DOCK7: variants seen among roughly 807,000 people sequenced by gnomAD.
DOCK7 encodes the protein dedicator of cytokinesis 7.
In DOCK7, 138 loss-of-function variants were observed where a neutral mutation model predicts 271.0. That is an observed-to-expected ratio of 0.51 (90% CI 0.44 to 0.59). DOCK7 has a LOEUF of 0.59. Among genes scored for constraint, DOCK7 ranks in the 20% least tolerant of loss-of-function variants. DOCK7 has a pLI of 0.00. For synonymous variants in DOCK7, 823 were observed against 876.1 expected (o/e 0.94, Z 1.07); for missense variants, 2,066 against 2,592.4 (o/e 0.80, Z 4.41).
intron 1 of DOCK7, among the ~76,000 whole-genome samples, chr1:62,673,563 G>C (rs184981962): frequency 1.3e-5 from 2 of 152,014 alleles, no homozygotes; most frequent in Non-Finnish European, 2.9e-5. Context: ...GAAAAGAAAA[G>C]TATCTACTGC....
intron 16 of DOCK7, among the ~76,000 whole-genome samples, chr1:62,580,661 T>C (rs79895612): frequency 6.6e-6 from 1 of 152,044 alleles, no homozygotes; most frequent in East Asian, 1.9e-4. Flanking sequence ...TTTGTGGTGG[T>C]TTTAAAGATG....
intron 31 of DOCK7, among the ~76,000 whole-genome samples, chr1:62,527,893 AATGAACT>A (rs1324189695): frequency 6.6e-6 from 1 of 151,700 alleles, no homozygotes; most frequent in Non-Finnish European, 1.5e-5. Flanking sequence ...AAAAAAAAGA[AATGAACT>A]ATCTATAATG....
chr1:62,617,094 CAA>C (rs562770955), intron 14 of DOCK7, among the ~76,000 whole-genome samples: 37 of 98,962 alleles, frequency 3.7e-4, no homozygotes, highest in Admixed American at 4.3e-4. Context: ...GACTCTATTG[CAA>C]AAAAAAAAAA....
At chr1:62,550,609 C>T (rs180964503) in intron 22 of DOCK7, among the ~76,000 whole-genome samples, 36 of 152,154 alleles carry the variant, frequency 2.4e-4, no homozygotes, top group Non-Finnish European at 7.4e-5. Context: ...TTTCTCAAGA[C>T]ATGTTTAGCT....
chr1:62,651,335 G>A (rs938494044), intron 4 of DOCK7, among the ~76,000 whole-genome samples: 1 of 146,978 alleles, frequency 6.8e-6, no homozygotes, highest in Non-Finnish European at 1.5e-5. Context: ...AGCATTAGGA[G>A]ATATACCTAA....
chr1:62,594,931 T>C (rs1649000058), intron 14 of DOCK7, among the ~76,000 whole-genome samples: 1 of 152,186 alleles, frequency 6.6e-6, no homozygotes, highest in Admixed American at 6.5e-5. Flanking sequence ...TTTTGAAATA[T>C]GTATTTCATG....
chr1:62,470,020 C>G (rs1428342482), intron 48 of DOCK7, among the ~76,000 whole-genome samples: 1 of 151,998 alleles, frequency 6.6e-6, no homozygotes, highest in Non-Finnish European at 1.5e-5. Flanking sequence ...TGTGGAGATT[C>G]CTTAAAGAAC....
At chr1:62,634,647 G>T in intron 9 of DOCK7, 126 bp downstream of exon 9, 1 of 1,010,894 alleles carries the variant, frequency 9.9e-7, no homozygotes, top group Non-Finnish European at 1.5e-6. Flanking sequence ...CCAATATTGT[G>T]TTAAAGAATA....
intron 41 of DOCK7, among the ~76,000 whole-genome samples, chr1:62,490,832 G>A (rs915006431): frequency 1.3e-5 from 2 of 152,114 alleles, no homozygotes; most frequent in Admixed American, 1.3e-4. Flanking sequence ...GCTTAGACAA[G>A]TGTAGGGATG....
At chr1:62,581,742 T>G (rs1647129326) in intron 16 of DOCK7, among the ~76,000 whole-genome samples, 1 of 149,192 alleles carries the variant, frequency 6.7e-6, no homozygotes, top group Admixed American at 6.7e-5. Context: ...GGAAAAAGAA[T>G]ACTACAGAAA....
chr1:62,622,184 G>A (rs1653336666), intron 12 of DOCK7, among the ~76,000 whole-genome samples: 1 of 152,204 alleles, frequency 6.6e-6, no homozygotes, highest in Non-Finnish European at 1.5e-5. Flanking sequence ...ACATGTCACA[G>A]AGCTGAGTCA....
intron 1 of DOCK7, among the ~76,000 whole-genome samples, chr1:62,674,959 T>A (rs965319194): frequency 6.6e-6 from 1 of 152,148 alleles, no homozygotes; most frequent in African/African-American, 2.4e-5. Context: ...CTGGACTTCA[T>A]TAAAATTGAA....
intron 1 of DOCK7, among the ~76,000 whole-genome samples, chr1:62,666,374 T>C (rs542362730): frequency 6.6e-6 from 1 of 152,270 alleles, no homozygotes; most frequent in African/African-American, 2.4e-5. Flanking sequence ...ATAAAAACGA[T>C]AATCCTCATA....
intron 14 of DOCK7, chr1:62,608,537 C>T (rs1250336720): frequency 6.6e-6 from 1 of 151,486 alleles, no homozygotes. Flanking sequence ...GTCCATACAC[C>T]TCAAATGGCA....
rs1005714950 is a variant in DOCK7 at position 62,663,223 on chromosome 1, C to A, written c.39-93G>T. Reference sequence around the variant, plus strand: ...AGGGAAGCTAAATACATTAAAGATTCATTTAAAGAAAAACAAAATCTCAGC... The same window carrying A: ...AGGGAAGCTAAATACATTAAAGATTAATTTAAAGAAAAACAAAATCTCAGC... On this transcript the variant is annotated intron_variant, in intron 1 of 49. Transcript: ENST00000635253. 11 of 981,610 alleles carry A rather than the reference C, an allele frequency of 1.1e-5. No individual in the cohort carries two copies. In the African/African-American group the frequency reaches 1.5e-4, roughly 13 times the overall value. The allele number at this position is 981,610 out of a possible 1,614,324, so 60.8% of individuals were successfully genotyped here.
intron 48 of DOCK7, among the ~76,000 whole-genome samples, chr1:62,472,528 A>AAT (rs1413486040): frequency 6.6e-6 from 1 of 152,236 alleles, no homozygotes; most frequent in Non-Finnish European, 1.5e-5. Flanking sequence ...AAGGACATTT[A>AAT]AGAATTGTAG....
intron 43 of DOCK7, chr1:62,483,889 T>C (rs1453508981): frequency 6.6e-6 from 1 of 152,236 alleles, no homozygotes; most frequent in Non-Finnish European, 1.5e-5. Context: ...CCTGTTTTAC[T>C]TTCTCCTTTA....
chr1:62,598,645 TAGAA>T (rs1557777812), intron 14 of DOCK7: 2 of 972,096 alleles, frequency 2.1e-6, no homozygotes, highest in Non-Finnish European at 3.3e-6. Context: ...AGGAAATTAA[TAGAA>T]AAGAAAGAGG....
chr1:62,612,167 CAA>C (rs1024921913), intron 14 of DOCK7, among the ~76,000 whole-genome samples: 1 of 151,752 alleles, frequency 6.6e-6, no homozygotes, highest in Non-Finnish European at 1.5e-5. Context: ...CACAAACACA[CAA>C]AAAAGTCCTT....
Sources: allele counts gnomAD v4.1 joint callset (sites outside exome capture counted in the v4.1 genomes callset), GRCh38; gene constraint gnomAD v4.1.1; transcripts MANE v1.5; gene names NCBI Gene and HGNC (gene_info 2026-07-23, HGNC 2026-07-21).